The following FPR3 variants were observed in gnomAD, a reference collection of about 807,000 sequenced individuals.
FPR3 encodes the protein formyl peptide receptor 3.
For synonymous variants in FPR3, 135 were observed against 163.6 expected (o/e 0.83, Z 1.34); for missense variants, 346 against 443.2 (o/e 0.78, Z 1.97).
chr19:51,806,977 CTAA>C (rs998699945), intron 1 of FPR3, among the ~76,000 whole-genome samples: 6 of 152,328 alleles, frequency 3.9e-5, no homozygotes, highest in Non-Finnish European at 8.8e-5. Flanking sequence ...TTAATATCTC[CTAA>C]TAATTGCTGA....
intron 1 of FPR3, among the ~76,000 whole-genome samples, chr19:51,798,982 G>C (rs1053705467): frequency 1.3e-5 from 2 of 152,100 alleles, no homozygotes; most frequent in African/African-American, 4.8e-5. Context: ...CGGGCGTGGT[G>C]GTGGTGCCCA....
intron 1 of FPR3, among the ~76,000 whole-genome samples, chr19:51,812,235 A>G (rs1450788034): frequency 2.0e-5 from 3 of 152,230 alleles, no homozygotes; most frequent in Non-Finnish European, 2.9e-5. Context: ...ATATGGCCCA[A>G]CGTAGGGTGA....
chr19:51,823,103 T>G (rs945591650), intron 1 of FPR3, among the ~76,000 whole-genome samples: 1 of 152,134 alleles, frequency 6.6e-6, no homozygotes, highest in Non-Finnish European at 1.5e-5. Flanking sequence ...TCTCAAGTGA[T>G]CCACTCTCCT....
At chr19:51,807,878 C>T (rs886144654) in intron 1 of FPR3, among the ~76,000 whole-genome samples, 2 of 152,176 alleles carry the variant, frequency 1.3e-5, no homozygotes, top group African/African-American at 2.4e-5. Context: ...TATGCCTGCC[C>T]ATAGTCACAA....
At chr19:51,797,962 A>ACCTCTG (rs1164771451) in intron 1 of FPR3, among the ~76,000 whole-genome samples, 1 of 129,592 alleles carries the variant, frequency 7.7e-6, no homozygotes, top group African/African-American at 3.0e-5. Context: ...GCTCACTGCA[A>ACCTCTG]CCTCTGCCTC....
intron 1 of FPR3, among the ~76,000 whole-genome samples, chr19:51,810,136 A>C (rs1391526015): frequency 6.6e-6 from 1 of 152,146 alleles, no homozygotes; most frequent in Non-Finnish European, 1.5e-5. Context: ...TTCCCACTTT[A>C]GGGTTTGACC....
chr19:51,800,989 T>G (rs1442669936), intron 1 of FPR3, among the ~76,000 whole-genome samples: 7 of 152,212 alleles, frequency 4.6e-5, no homozygotes, highest in Admixed American at 4.6e-4. Context: ...GACTGTCCAG[T>G]GGCACCGGGC....
At chr19:51,808,381 T>C (rs561510196) in intron 1 of FPR3, among the ~76,000 whole-genome samples, 1 of 152,308 alleles carries the variant, frequency 6.6e-6, no homozygotes, top group South Asian at 2.1e-4. Context: ...TTCCATTTAG[T>C]CAAAGCCTGC....
intron 1 of FPR3, among the ~76,000 whole-genome samples, chr19:51,822,422 G>C (rs1343754107): frequency 6.6e-6 from 1 of 152,166 alleles, no homozygotes; most frequent in East Asian, 1.9e-4. Context: ...GAGAAGAAAT[G>C]AGGAACAGTT....
intron 1 of FPR3, among the ~76,000 whole-genome samples, chr19:51,815,510 A>C (rs989866097): frequency 5.9e-5 from 9 of 151,456 alleles, no homozygotes; most frequent in African/African-American, 2.2e-4. Flanking sequence ...TGGAGGTTGC[A>C]GTGAGCCAAG....
At chr19:51,820,241 T>C (rs2084178166) in intron 1 of FPR3, among the ~76,000 whole-genome samples, 1 of 152,172 alleles carries the variant, frequency 6.6e-6, no homozygotes, top group Non-Finnish European at 1.5e-5. Context: ...GAGTTTCCAT[T>C]ATAGATTACA....
intron 1 of FPR3, among the ~76,000 whole-genome samples, chr19:51,806,164 A>G (rs1318143645): frequency 6.6e-6 from 1 of 152,102 alleles, no homozygotes; most frequent in Non-Finnish European, 1.5e-5. Flanking sequence ...CCTTCTCTCC[A>G]TCTTTGCACT....
Position 51,824,265 on chromosome 19 carries a change from G to A in FPR3, c.517G>A (p.Asp173Asn), listed in dbSNP as rs770844356. The change falls in exon 2 of 2, where the codon GAC (aspartate) becomes AAC (asparagine). Residue 173 changes from aspartate (D) to asparagine (N), a missense_variant. Asp to Asn is a conservative substitution (Grantham distance 23). Transcript: ENST00000339223. This position sits in a 1 kb window ranked among gnomAD's most constrained non-coding sequence, Gnocchi z 4.7. Reference protein sequence around the residue: ...FWTTISTTNGDTYCIFNFAFW... With the variant: ...FWTTISTTNGNTYCIFNFAFW... ...GACTACAATAAGTACTACGAATGGG[G>A]ACACATACTGTATTTTCAACTTTGC... The A allele has an allele frequency of 2.0e-5, 32 of 1,614,046 alleles. No individual in the cohort carries two copies. In the Admixed American group the frequency reaches 5.3e-4, roughly 27 times the overall value.
At chr19:51,809,434 G>T (rs866967117) in intron 1 of FPR3, among the ~76,000 whole-genome samples, 1 of 152,168 alleles carries the variant, frequency 6.6e-6, no homozygotes, top group Non-Finnish European at 1.5e-5. Context: ...ACACAGGTAG[G>T]TCTATTAGAG....
chr19:51,820,492 C>T (rs2084180365), intron 1 of FPR3, among the ~76,000 whole-genome samples: 1 of 152,208 alleles, frequency 6.6e-6, no homozygotes, highest in African/African-American at 2.4e-5. Flanking sequence ...TTCTCTTCTC[C>T]ACTTTGTAAC....
chr19:51,809,324 T>C (rs2084081963), intron 1 of FPR3, among the ~76,000 whole-genome samples: 2 of 152,336 alleles, frequency 1.3e-5, no homozygotes, highest in South Asian at 2.1e-4. Context: ...TAGAAGTTAA[T>C]TGCAAGGGCC....
At chr19:51,798,032 C>T (rs965035261) in intron 1 of FPR3, among the ~76,000 whole-genome samples, 1 of 152,008 alleles carries the variant, frequency 6.6e-6, no homozygotes, top group Admixed American at 6.6e-5. Flanking sequence ...ATTTAATCCT[C>T]CCCTGAAAAT....
At chr19:51,803,676 C>T (rs1413134072) in intron 1 of FPR3, 2 of 151,618 alleles carry the variant, frequency 1.3e-5, no homozygotes, top group African/African-American at 4.8e-5. Context: ...GAAAAAAATG[C>T]AAGACAGAAA....
chr19:51,797,764 T>C (rs1199554041), intron 1 of FPR3, among the ~76,000 whole-genome samples: 15 of 152,074 alleles, frequency 9.9e-5, no homozygotes, highest in Non-Finnish European at 1.5e-5. Flanking sequence ...CTGAGCTTCA[T>C]AGTGCAGGGT....
Sources: allele counts gnomAD v4.1 joint callset (sites outside exome capture counted in the v4.1 genomes callset), GRCh38; gene constraint gnomAD v4.1.1; non-coding constraint Gnocchi (gnomAD v3.1); transcripts MANE v1.5; gene names NCBI Gene and HGNC (gene_info 2026-07-23, HGNC 2026-07-21).